The following EHBP1 variants were observed in gnomAD, a reference collection of about 807,000 sequenced individuals.
EHBP1 encodes EH domain-binding protein 1.
Under a neutral mutation model 144.0 loss-of-function variants are expected in EHBP1, and 55 were observed. The ratio of observed to expected loss-of-function variants is 0.38; its 90% CI spans 0.31 to 0.48. EHBP1 has a LOEUF of 0.48. Ranked by LOEUF, EHBP1 falls within the 20% of genes least tolerant of loss-of-function variation. EHBP1 has a pLI of 0.98. For missense variants in EHBP1, 1,200 were observed against 1,364.2 expected, an observed-to-expected ratio of 0.88 and a Z score of 1.90; for synonymous variants, 469 against 472.7, an observed-to-expected ratio of 0.99 and a Z score of 0.10.
intron 7 of EHBP1, among the ~76,000 whole-genome samples, chr2:62,834,495 G>A (rs1276579863): frequency 6.6e-6 from 1 of 152,164 alleles, no homozygotes; most frequent in African/African-American, 2.4e-5. Context: ...ACTTACTGAA[G>A]GCTCAGATGA....
chr2:62,845,481 G>T (rs1358463690), intron 7 of EHBP1, among the ~76,000 whole-genome samples: 4 of 152,092 alleles, frequency 2.6e-5, no homozygotes, highest in Non-Finnish European at 5.9e-5. Flanking sequence ...GTTGATGATG[G>T]TATGACTCAG....
intron 5 of EHBP1, among the ~76,000 whole-genome samples, chr2:62,819,161 G>A (rs561900787): frequency 3.3e-5 from 5 of 152,206 alleles, no homozygotes; most frequent in Admixed American, 6.5e-5. Flanking sequence ...AGTACATCAC[G>A]ACCTGGTTGG....
At chr2:62,929,305 A>G (rs1249147124) in intron 10 of EHBP1, among the ~76,000 whole-genome samples, 1 of 152,182 alleles carries the variant, frequency 6.6e-6, no homozygotes, top group Admixed American at 6.5e-5. Flanking sequence ...TAATATCCCT[A>G]TGAACTTTGC....
chr2:62,734,961 C>T (rs573703995), intron 2 of EHBP1, among the ~76,000 whole-genome samples: 2 of 152,188 alleles, frequency 1.3e-5, no homozygotes, highest in South Asian at 2.1e-4. Flanking sequence ...AGTGCAGTGG[C>T]GCGATCACGG....
At chr2:62,755,538 A>G (rs968750673) in intron 3 of EHBP1, among the ~76,000 whole-genome samples, 3 of 152,196 alleles carry the variant, frequency 2.0e-5, no homozygotes, top group African/African-American at 7.2e-5. Flanking sequence ...ACCAGGTAAT[A>G]GGGTAGGTTC....
At chr2:62,674,602 A>T (rs1419105075) in intron 1 of EHBP1, among the ~76,000 whole-genome samples, 2 of 152,234 alleles carry the variant, frequency 1.3e-5, no homozygotes, top group African/African-American at 4.8e-5. Context: ...TTTATGACCT[A>T]TAAGTTTTCT....
chr2:62,829,470 A>G lies in EHBP1; in HGVS notation c.495-1549A>G, dbSNP rs993717248. Among the ~76,000 whole-genome samples, 3 of 151,772 alleles carry G rather than the reference A, an allele frequency of 2.0e-5. No individual in the cohort carries two copies. In the South Asian group the frequency reaches 6.2e-4, roughly 31 times the overall value. On this transcript the variant is annotated intron_variant, in intron 6 of 22. Coordinates refer to ENST00000431489, the MANE Select transcript of EHBP1 (RefSeq NM_001142616.3). ...GAGAACATACGATGTTTGGTTTTTC[A>G]TTCCTGAGTTACTTCACTTAGAATA...
rs937879689 is a variant in EHBP1, at chr2:62,932,164, G to A, written c.1186-10554G>A. Among the ~76,000 whole-genome samples, 4 of 150,070 alleles carry A rather than the reference G, an allele frequency of 2.7e-5. No homozygotes were observed. In the East Asian group the frequency reaches 5.9e-4, roughly 22 times the overall value. ...TGTACTCTAGCCTGGGTGGCAGAGC[G>A]AGACGGCATCTAAAAAAAAAAAAAA... On this transcript the variant is annotated intron_variant, in intron 10 of 22. Transcript: ENST00000431489.
intron 1 of EHBP1, among the ~76,000 whole-genome samples, chr2:62,695,760 T>C (rs2034065827): frequency 6.6e-6 from 1 of 152,236 alleles, no homozygotes; most frequent in Non-Finnish European, 1.5e-5. Context: ...TCTCCCAGGC[T>C]GGAGTGCAGT....
intron 10 of EHBP1, among the ~76,000 whole-genome samples, chr2:62,923,715 A>G (rs2055271904): frequency 1.3e-5 from 2 of 151,846 alleles, no homozygotes; most frequent in Non-Finnish European, 1.5e-5. Flanking sequence ...TAACCCACCA[A>G]CCCTCTATGA....
intron 16 of EHBP1, among the ~76,000 whole-genome samples, chr2:62,992,265 A>T (rs1172165360): frequency 6.6e-6 from 1 of 152,170 alleles, no homozygotes; most frequent in African/African-American, 2.4e-5. Context: ...ATTTTTCTTT[A>T]AAAAAATAGA....
chr2:62,739,071 C>T (rs1476542316), intron 2 of EHBP1, among the ~76,000 whole-genome samples: 1 of 152,202 alleles, frequency 6.6e-6, no homozygotes, highest in Admixed American at 6.5e-5. Flanking sequence ...CTCCACTAAG[C>T]ACTTCATATA....
intron 10 of EHBP1, 90 bp downstream of exon 10, chr2:62,874,622 C>A (rs1435882638): frequency 2.5e-6 from 3 of 1,186,842 alleles, no homozygotes; most frequent in Admixed American, 2.4e-5. Context: ...TAATTTTTGG[C>A]TATTTTTGAT....
intron 10 of EHBP1, among the ~76,000 whole-genome samples, chr2:62,925,481 C>G (rs1276642592): frequency 3.3e-5 from 5 of 151,632 alleles, no homozygotes; most frequent in African/African-American, 1.2e-4. Context: ...AATCTGTGCT[C>G]TCAGGAAATA....
intron 10 of EHBP1, among the ~76,000 whole-genome samples, chr2:62,882,763 TC>T (rs1264436484): frequency 6.6e-6 from 1 of 151,936 alleles, no homozygotes; most frequent in East Asian, 1.9e-4. Flanking sequence ...ATGCCTGTAA[TC>T]CCAGCTACTC....
At position 62,949,074 on chromosome 2, in the gene EHBP1, A is replaced by G; in HGVS notation, c.2228A>G (p.Lys743Arg). The change falls in exon 13 of 23, where the codon AAA (lysine) becomes AGA (arginine). Residue 743 changes from lysine to arginine, a missense_variant. By Grantham distance (26) the Lys-to-Arg change is conservative (BLOSUM62 2). This residue lies in a region of EHBP1 where 543 missense variants were observed against 513.1 expected (regional missense o/e 1.06). Coordinates refer to ENST00000431489, the MANE Select transcript of EHBP1 (RefSeq NM_001142616.3). The stretch of plus-strand genomic sequence containing the variant: ...AGAGATCTAGACCTTGCTAAGAAAA[A>G]ACATGCTTCCCTGAGGCAGACGGAG... ...YSRDLDLAKK[K>R]HASLRQTESD... The G allele has an allele frequency of 6.2e-7, 1 of 1,608,030 alleles. No individual in the cohort carries two copies. The highest frequency in any genetic ancestry group is 1.1e-5 in the South Asian group (1 of 89,132).
chr2:62,869,909 G>T (rs1211755855), intron 9 of EHBP1, among the ~76,000 whole-genome samples: 1 of 152,168 alleles, frequency 6.6e-6, no homozygotes, highest in Non-Finnish European at 1.5e-5. Context: ...TCTATTTGAT[G>T]TAAATAACTG....
intron 7 of EHBP1, among the ~76,000 whole-genome samples, chr2:62,835,056 C>G (rs2047105253): frequency 6.6e-6 from 1 of 152,092 alleles, no homozygotes; most frequent in Non-Finnish European, 1.5e-5. Context: ...CAGTTTGCCC[C>G]ATTTAATGCC....
intron 10 of EHBP1, among the ~76,000 whole-genome samples, chr2:62,895,743 T>C (rs1456558240): frequency 6.6e-6 from 1 of 152,126 alleles, no homozygotes; most frequent in Admixed American, 6.5e-5. Flanking sequence ...TTCTGAGCCA[T>C]TGAGCAATGC....
Sources: allele counts gnomAD v4.1 joint callset (sites outside exome capture counted in the v4.1 genomes callset), GRCh38; gene constraint gnomAD v4.1.1; regional missense constraint gnomAD v4.1.1; transcripts MANE v1.5; gene names NCBI Gene and HGNC (gene_info 2026-07-23, HGNC 2026-07-21).